PRKCE: variants seen among roughly 807,000 people sequenced by gnomAD.
The protein encoded by PRKCE is protein kinase C epsilon, also known as protein kinase C epsilon type.
In PRKCE, 16 loss-of-function variants were observed where a neutral mutation model predicts 85.4. That is an observed-to-expected ratio of 0.19 (90% confidence interval 0.13 to 0.28). The LOEUF (loss-of-function observed/expected upper bound fraction) is 0.28, where lower values mean the gene tolerates loss of function less well. PRKCE is among the 10% of genes least tolerant of loss of function. The probability of loss-of-function intolerance (pLI) is 1.00; values close to 1 mark genes in which losing one functional copy is unlikely to be tolerated. For missense variants in PRKCE, 573 were observed against 975.2 expected (o/e 0.59, Z 5.49); for synonymous variants, 388 against 371.5 (o/e 1.04, Z -0.51).
intron 10 of PRKCE, among the ~76,000 whole-genome samples, chr2:46,030,833 T>C (rs1433463541): frequency 6.6e-6 from 1 of 152,226 alleles, no homozygotes; most frequent in Non-Finnish European, 1.5e-5. Flanking sequence ...CACCACAAAC[T>C]CTAACATCCT....
At chr2:45,815,252 T>C (rs1215723744) in intron 1 of PRKCE, among the ~76,000 whole-genome samples, 1 of 152,236 alleles carries the variant, frequency 6.6e-6, no homozygotes, top group African/African-American at 2.4e-5. Flanking sequence ...AATTTTTTTT[T>C]ACAATGTTTA....
rs375525974 is a variant in PRKCE, at chr2:46,001,437, C to A, written c.857C>A (p.Thr286Asn). 8.1e-6 allele frequency: 13 copies of A among 1,599,384 alleles called. No homozygotes were observed. The African/African-American group carries it at 1.6e-4, about 20-fold the overall frequency. Residue 286 changes from threonine (T) to asparagine (N), a missense_variant, in exon 7 of 15, where the codon ACC (threonine) becomes AAC (asparagine). Physicochemically the swap from Thr to Asn is moderately conservative, Grantham distance 65 (BLOSUM62 0). This residue lies in a region of PRKCE where 55 missense variants were observed against 128.1 expected (regional missense o/e 0.43). Transcript: ENST00000306156. This position sits in a 1 kb window ranked among gnomAD's most constrained non-coding sequence, Gnocchi z 4.4. ...ATGAATGTTCACCGTCGATGTGAGA[C>A]CAACGTGGCTCCCAACTGTGGAGTG... ...CKMNVHRRCE[T>N]NVAPNCGVDA...
intron 10 of PRKCE, among the ~76,000 whole-genome samples, chr2:46,053,039 A>G (rs1439405499): frequency 1.3e-5 from 2 of 152,236 alleles, no homozygotes; most frequent in Non-Finnish European, 2.9e-5. Flanking sequence ...TACGGATGAG[A>G]AAGCTGAAGG....
At chr2:46,022,014 A>T (rs1325801780) in intron 10 of PRKCE, among the ~76,000 whole-genome samples, 1 of 152,092 alleles carries the variant, frequency 6.6e-6, no homozygotes, top group Non-Finnish European at 1.5e-5. Context: ...AGTGGTCTGA[A>T]ATACTTCAGA....
intron 2 of PRKCE, among the ~76,000 whole-genome samples, chr2:45,929,245 A>G (rs945814380): frequency 2.0e-5 from 3 of 152,168 alleles, no homozygotes; most frequent in Admixed American, 2.0e-4. Flanking sequence ...CTTATATAAC[A>G]CGTGCTAAAA....
intron 2 of PRKCE, among the ~76,000 whole-genome samples, chr2:45,953,395 C>T (rs544952078): frequency 2.6e-5 from 4 of 152,194 alleles, no homozygotes; most frequent in South Asian, 2.1e-4. Context: ...ACTTTTCATA[C>T]GCTTTTCAAT....
At chr2:45,775,703 C>T (rs1685695003) in intron 1 of PRKCE, among the ~76,000 whole-genome samples, 1 of 152,198 alleles carries the variant, frequency 6.6e-6, no homozygotes, top group Non-Finnish European at 1.5e-5. Flanking sequence ...GGCTTCCACC[C>T]TTGAGCTTCC....
chr2:46,094,964 C>T (rs1284251989), intron 11 of PRKCE, among the ~76,000 whole-genome samples: 1 of 152,096 alleles, frequency 6.6e-6, no homozygotes, highest in Non-Finnish European at 1.5e-5. Context: ...GCTTTGTCTC[C>T]ATTATTCTAA....
At chr2:46,086,507 T>A in intron 11 of PRKCE, 145 bp downstream of exon 11, 1 of 916,548 alleles carries the variant, frequency 1.1e-6, no homozygotes, top group Non-Finnish European at 1.6e-6. Flanking sequence ...TACAGAAGAC[T>A]TTTTTGGGGG....
intron 2 of PRKCE, among the ~76,000 whole-genome samples, chr2:45,971,866 G>A (rs1702133269): frequency 6.6e-6 from 1 of 152,166 alleles, no homozygotes; most frequent in South Asian, 2.1e-4. Flanking sequence ...ATCCATAGAT[G>A]GACATTTAGG....
intron 14 of PRKCE, among the ~76,000 whole-genome samples, chr2:46,165,239 C>A (rs73929403): frequency 6.6e-6 from 1 of 152,180 alleles, no homozygotes; most frequent in African/African-American, 2.4e-5. Context: ...AGCTCTCTTA[C>A]GTACTCTCCC....
intron 2 of PRKCE, among the ~76,000 whole-genome samples, chr2:45,936,828 C>T (rs998282365): frequency 6.6e-6 from 1 of 152,134 alleles, no homozygotes; most frequent in Non-Finnish European, 1.5e-5. Context: ...TGAGAGACTT[C>T]CTCCAATCCA....
chr2:45,867,134 G>T (rs1693678328), intron 2 of PRKCE, among the ~76,000 whole-genome samples: 1 of 152,216 alleles, frequency 6.6e-6, no homozygotes, highest in South Asian at 2.1e-4. Flanking sequence ...GCTGAAGAAT[G>T]ATTGTCCTGC....
chr2:45,762,975 G>C (rs902679771), intron 1 of PRKCE, among the ~76,000 whole-genome samples: 1 of 148,682 alleles, frequency 6.7e-6, no homozygotes. Flanking sequence ...TTTTTGAGAC[G>C]GAGTCCTGCT....
intron 11 of PRKCE, among the ~76,000 whole-genome samples, chr2:46,135,483 AC>A (rs1304682944): frequency 1.3e-5 from 2 of 152,204 alleles, no homozygotes; most frequent in African/African-American, 4.8e-5. Flanking sequence ...TAACAGTCTT[AC>A]CAGATTCACA....
chr2:45,809,422 A>C (rs1414049095), intron 1 of PRKCE, among the ~76,000 whole-genome samples: 1 of 152,242 alleles, frequency 6.6e-6, no homozygotes, highest in Non-Finnish European at 1.5e-5. Context: ...ATGTCTGCCA[A>C]GAACAGTAAA....
intron 5 of PRKCE, among the ~76,000 whole-genome samples, chr2:45,982,538 C>T (rs916332112): frequency 1.3e-5 from 2 of 152,216 alleles, no homozygotes; most frequent in Non-Finnish European, 2.9e-5. Flanking sequence ...TCCATCTCCA[C>T]TGGTGTCACA....
chr2:46,054,701 C>T (rs569206285), intron 10 of PRKCE, among the ~76,000 whole-genome samples: 1 of 152,186 alleles, frequency 6.6e-6, no homozygotes, highest in South Asian at 2.1e-4. Flanking sequence ...AAGGGCCCTA[C>T]CCTCAAGCCT....
At chr2:46,115,510 T>A (rs1672683607) in intron 11 of PRKCE, among the ~76,000 whole-genome samples, 1 of 152,180 alleles carries the variant, frequency 6.6e-6, no homozygotes, top group South Asian at 2.1e-4. Flanking sequence ...AGAAGCCCCA[T>A]TTCTCTTCAA....
Sources: gnomAD v4.1 joint callset for allele counts (sites outside exome capture counted in the v4.1 genomes callset) on GRCh38, gnomAD v4.1.1 for gene constraint, gnomAD v4.1.1 regional missense constraint, Gnocchi (gnomAD v3.1) non-coding constraint, MANE v1.5 for transcripts, NCBI Gene and HGNC (gene_info 2026-07-23, HGNC 2026-07-21) for gene names.